Variants in PLEKHA6 observed in about 807,000 individuals in gnomAD.
PLEKHA6 encodes pleckstrin homology domain-containing family A member 6.
In PLEKHA6, 60 loss-of-function variants were observed where a neutral mutation model predicts 116.7. The observed-to-expected ratio is 0.51, with a 90% CI of 0.42 to 0.64. PLEKHA6 has a LOEUF of 0.64. Ranked by LOEUF, PLEKHA6 falls within the 30% of genes least tolerant of loss-of-function variation. PLEKHA6 has a pLI of 0.00. For synonymous variants in PLEKHA6, 489 were observed against 556.1 expected (o/e 0.88, Z 1.70); for missense variants, 1,338 against 1,422.7 (o/e 0.94, Z 0.96).
At chr1:204,283,509 G>A (rs1668854675) in intron 1 of PLEKHA6, among the ~76,000 whole-genome samples, 3 of 152,188 alleles carry the variant, frequency 2.0e-5, no homozygotes, top group Non-Finnish European at 2.9e-5. Flanking sequence ...ACACTGGGAG[G>A]GAGGCAAGGA....
intron 1 of PLEKHA6, chr1:204,297,222 TA>T: frequency 1.0e-6 from 1 of 981,128 alleles, no homozygotes; most frequent in Non-Finnish European, 1.2e-6. Flanking sequence ...ATTTAACTCC[TA>T]AACACTACCT....
At chr1:204,331,164 C>A (rs1238434329) in intron 1 of PLEKHA6, among the ~76,000 whole-genome samples, 1 of 146,270 alleles carries the variant, frequency 6.8e-6, no homozygotes, top group Admixed American at 7.0e-5. Context: ...CATGCCACTG[C>A]ACTCCAGCCT....
chr1:204,305,378 TG>T (rs1671199457), intron 1 of PLEKHA6, among the ~76,000 whole-genome samples: 1 of 152,244 alleles, frequency 6.6e-6, no homozygotes, highest in African/African-American at 2.4e-5. Flanking sequence ...CCATCCCTCC[TG>T]CTGACTAACC....
intron 1 of PLEKHA6, among the ~76,000 whole-genome samples, chr1:204,330,887 T>G (rs932845510): frequency 2.6e-5 from 4 of 152,154 alleles, no homozygotes; most frequent in African/African-American, 9.7e-5. Context: ...TTCAGTACCC[T>G]GGGTTCTGGA....
chr1:204,245,275 C>T (rs1663478512), intron 14 of PLEKHA6, among the ~76,000 whole-genome samples: 1 of 151,948 alleles, frequency 6.6e-6, no homozygotes, highest in African/African-American at 2.4e-5. Flanking sequence ...AGTCTGAGGT[C>T]CCAGGGCTCA....
rs767930813 is a variant in PLEKHA6 at position 204,228,754 on chromosome 1, C to T, written c.2859G>A (p.Arg953=). ...TGGATTTGGCAATGAGTGTCTTGAT[C>T]CTCTCCACCTTCTTCTGCTTCTCCT... The part of the protein sequence containing the change: ...ELKEKQKKVE[R]IKTLIAKSSM... The change falls in exon 20 of 23, where the codon AGG becomes AGA. Residue 953 remains arginine (R), a synonymous_variant. Transcript: ENST00000272203. The surrounding 1 kb of genome is among the most constrained non-coding windows in gnomAD (Gnocchi z 4.0). The T allele has an allele frequency of 1.2e-6, 2 of 1,613,886 alleles. No individual in the cohort carries two copies. The highest frequency in any genetic ancestry group is 2.7e-5 in the African/African-American group (2 of 74,880).
At chr1:204,328,826 C>T (rs1672345254) in intron 1 of PLEKHA6, among the ~76,000 whole-genome samples, 1 of 152,148 alleles carries the variant, frequency 6.6e-6, no homozygotes, top group Admixed American at 6.5e-5. Flanking sequence ...TACTATATCC[C>T]AGGCACTGTG....
At chr1:204,343,385 A>G in intron 1 of PLEKHA6, among the ~76,000 whole-genome samples, 1 of 152,226 alleles carries the variant, frequency 6.6e-6, no homozygotes, top group Non-Finnish European at 1.5e-5. Flanking sequence ...TCTATGAGGT[A>G]AGTACCATCA....
At chr1:204,244,798 G>C (rs777602414) in intron 15 of PLEKHA6, 66 bp downstream of exon 15, 43 of 1,280,696 alleles carry the variant, frequency 3.4e-5, no homozygotes, top group Non-Finnish European at 4.4e-5. Context: ...AAGTTGTATA[G>C]TTTCAGACAA....
chr1:204,295,975 G>C (rs1019983387), intron 1 of PLEKHA6, among the ~76,000 whole-genome samples: 1 of 152,182 alleles, frequency 6.6e-6, no homozygotes, highest in African/African-American at 2.4e-5. Flanking sequence ...ATGAGGGTAA[G>C]GCACAGAAGC....
chr1:204,241,464 G>C lies in PLEKHA6; in HGVS notation c.2320C>G (p.Arg774Gly). ...TCATCATCAGTGGGCGATTTTGTCC[G>C]AGGGGGCACAACGCCAACTGCAGAA... The part of the protein sequence containing the change: ...ALNKVGVVPP[R>G]TKSPTDDEVT... Residue 774 changes from arginine to glycine, a missense_variant, in exon 17 of 23, where the codon CGG becomes GGG. Arg to Gly is a moderately radical substitution (Grantham distance 125, BLOSUM62 -2). Transcript: ENST00000272203. 6.2e-7 allele frequency: 1 copy of C among 1,605,562 alleles called. No individual in the cohort carries two copies. Among genetic ancestry groups the C allele is most frequent in the Non-Finnish European group, 8.5e-7 (1 of 1,175,838 alleles).
At chr1:204,284,192 G>A (rs1038170701) in intron 1 of PLEKHA6, among the ~76,000 whole-genome samples, 3 of 152,206 alleles carry the variant, frequency 2.0e-5, no homozygotes, top group Admixed American at 1.3e-4. Flanking sequence ...CTGGGAAGAG[G>A]AAAGCAGTAA....
intron 1 of PLEKHA6, among the ~76,000 whole-genome samples, chr1:204,335,174 T>C (rs1410227932): frequency 6.6e-6 from 1 of 152,060 alleles, no homozygotes; most frequent in African/African-American, 2.4e-5. Context: ...TCCTTCCCCT[T>C]GGCCTCCCAA....
intron 1 of PLEKHA6, among the ~76,000 whole-genome samples, chr1:204,316,113 C>T (rs1671850133): frequency 6.6e-6 from 1 of 152,198 alleles, no homozygotes; most frequent in Non-Finnish European, 1.5e-5. Context: ...GTGGCTCCCG[C>T]TCAATAAATA....
chr1:204,256,512 C>T (rs1472005958), intron 9 of PLEKHA6, among the ~76,000 whole-genome samples: 1 of 152,174 alleles, frequency 6.6e-6, no homozygotes, highest in Non-Finnish European at 1.5e-5. Flanking sequence ...CCTGCCTAGG[C>T]CCCTTCTCCT....
At chr1:204,317,526 C>T (rs1671904882) in intron 1 of PLEKHA6, among the ~76,000 whole-genome samples, 1 of 152,040 alleles carries the variant, frequency 6.6e-6, no homozygotes, top group African/African-American at 2.4e-5. Context: ...AGAGCCCCAC[C>T]AACACTCCCG....
chr1:204,258,850 T>G lies in PLEKHA6; in HGVS notation c.1007+408A>C, dbSNP rs536805482. Among the ~76,000 whole-genome samples the G allele has an allele frequency of 3.3e-5, 5 of 152,332 alleles. No individual in the cohort carries two copies. In the East Asian group the frequency reaches 9.6e-4, roughly 29 times the overall value. ...TGTTCAAAAATGGAATGAGTTGGTCTGGCAGTTAGTGAGTCTCAAGTGGGT... is the reference window on the plus strand; with the variant it reads ...TGTTCAAAAATGGAATGAGTTGGTCGGGCAGTTAGTGAGTCTCAAGTGGGT... On this transcript the variant is annotated intron_variant, in intron 8 of 22. Coordinates refer to ENST00000272203, the MANE Select transcript of PLEKHA6 (RefSeq NM_014935.5).
chr1:204,305,924 T>C (rs751043755), intron 1 of PLEKHA6, among the ~76,000 whole-genome samples: 8 of 152,208 alleles, frequency 5.3e-5, no homozygotes, highest in Non-Finnish European at 1.0e-4. Flanking sequence ...TCACCTCTCA[T>C]ACATTTCTCC....
chr1:204,257,118 C>T lies in PLEKHA6; in HGVS notation c.1524+235G>A, dbSNP rs554412095. ...CATGGTATCTGGCACAACTTGGGGG[C>T]ATGTACAGAAAGCAATGTCCCCACT... On this transcript the variant is annotated intron_variant, in intron 9 of 22. Transcript: ENST00000272203. This position sits in a 1 kb window ranked among gnomAD's most constrained non-coding sequence, Gnocchi z 6.5. Among the ~76,000 whole-genome samples the T allele has an allele frequency of 2.0e-5, 3 of 152,342 alleles. No individual in the cohort carries two copies. Among genetic ancestry groups the T allele is most frequent in the Admixed American group, 6.5e-5 (1 of 15,302 alleles).
Sources: gnomAD v4.1 joint callset for allele counts (sites outside exome capture counted in the v4.1 genomes callset) on GRCh38, gnomAD v4.1.1 for gene constraint, Gnocchi (gnomAD v3.1) non-coding constraint, MANE v1.5 for transcripts, NCBI Gene and HGNC (gene_info 2026-07-23, HGNC 2026-07-21) for gene names.